Variants in RASGEF1C observed in about 807,000 individuals in gnomAD.
RASGEF1C encodes the protein ras-GEF domain-containing family member 1C.
RASGEF1C carries 27 observed loss-of-function variants against 58.1 expected under a neutral mutation model. The observed-to-expected ratio is 0.46, with a 90% CI of 0.34 to 0.64. The LOEUF (loss-of-function observed/expected upper bound fraction) is 0.64. Among genes scored for constraint, RASGEF1C ranks in the 30% least tolerant of loss-of-function variants. RASGEF1C has a pLI of 0.01. For synonymous variants in RASGEF1C, 243 were observed against 246.3 expected (o/e 0.99, Z 0.13); for missense variants, 502 against 605.1 (o/e 0.83, Z 1.79).
chr5:180,161,403 CGCAGCCCTGCG>C (rs1561747204), intron 1 of RASGEF1C, among the ~76,000 whole-genome samples: 1 of 152,370 alleles, frequency 6.6e-6, no homozygotes, highest in East Asian at 1.9e-4. Flanking sequence ...CCTAGCCCCG[CGCAGCCCTGCG>C]GCAGCCCCGG....
At chr5:180,139,702 G>C (rs1463631733) in intron 1 of RASGEF1C, among the ~76,000 whole-genome samples, 1 of 152,204 alleles carries the variant, frequency 6.6e-6, no homozygotes, top group Non-Finnish European at 1.5e-5. Flanking sequence ...TCTGTCCCAG[G>C]GGGAGGCGGC....
intron 1 of RASGEF1C, among the ~76,000 whole-genome samples, chr5:180,195,053 G>A (rs1756241128): frequency 6.6e-6 from 1 of 152,254 alleles, no homozygotes; most frequent in African/African-American, 2.4e-5. Context: ...GGGGCCCAGT[G>A]CCTGCTGCAG....
Position 180,103,293 on chromosome 5 carries a change from G to GA in RASGEF1C, c.1304-1151_1304-1150insT, listed in dbSNP as rs1561727708. ...GGGGTTTCACCGTGTTAGCCAGGAT[G>GA]GTCTCGATCTCCTGACCTTGTGATC... is the stretch of plus-strand genomic sequence containing the variant. On this transcript the variant is annotated intron_variant, in intron 12 of 13. Coordinates refer to ENST00000361132, the MANE Select transcript of RASGEF1C (RefSeq NM_175062.4). Among the ~76,000 whole-genome samples the GA allele has an allele frequency of 2.6e-5, 4 of 152,232 alleles. No homozygotes were observed. In the South Asian group the frequency reaches 6.2e-4, roughly 24 times the overall value.
chr5:180,124,095 C>A (rs1745395470), intron 6 of RASGEF1C, among the ~76,000 whole-genome samples: 1 of 152,118 alleles, frequency 6.6e-6, no homozygotes, highest in African/African-American at 2.4e-5. Context: ...TGAATCAGTA[C>A]ACGAAAGTCA....
chr5:180,208,122 G>A (rs978110136), intron 1 of RASGEF1C, among the ~76,000 whole-genome samples: 3 of 152,066 alleles, frequency 2.0e-5, no homozygotes, highest in African/African-American at 4.8e-5. Flanking sequence ...ATGGCTGTTG[G>A]AGCCAGTCTT....
At position 180,141,469 on chromosome 5, in the gene RASGEF1C, C is replaced by A. The variant is rs143656879; in HGVS notation, c.-6-3411G>T. Among the ~76,000 whole-genome samples the A allele has an allele frequency of 1.8e-3, 273 of 152,340 alleles. 3 individuals carry two copies. Among genetic ancestry groups the A allele is most frequent in the African/African-American group, 6.3e-3 (260 of 41,566 alleles). On this transcript the variant is annotated intron_variant, in intron 1 of 13. Coordinates refer to ENST00000361132, the MANE Select transcript of RASGEF1C (RefSeq NM_175062.4). ...GTGAAATGAGCCTGACACAGAAGCA[C>A]AAACACTGAGTGACCCCACTTGTGG...
intron 1 of RASGEF1C, among the ~76,000 whole-genome samples, chr5:180,207,293 C>T (rs1756505543): frequency 6.6e-6 from 1 of 152,332 alleles, no homozygotes; most frequent in Non-Finnish European, 1.5e-5. Context: ...AAGGTTCTCA[C>T]TGCAGGAGAA....
At chr5:180,181,470 C>G (rs1767323863) in intron 1 of RASGEF1C, among the ~76,000 whole-genome samples, 1 of 152,142 alleles carries the variant, frequency 6.6e-6, no homozygotes, top group South Asian at 2.1e-4. Flanking sequence ...GGAGGCCACA[C>G]TGGAGTGGAG....
Position 180,197,546 on chromosome 5 carries a change from A to G in RASGEF1C, c.-7+11482T>C, listed in dbSNP as rs559523847. 1.3e-5 allele frequency among the ~76,000 whole-genome samples: 2 copies of G among 152,300 alleles called. No homozygotes were observed. The highest frequency in any genetic ancestry group is 3.9e-4 in the East Asian group (2 of 5,176). On this transcript the variant is annotated intron_variant, in intron 1 of 13. Coordinates refer to ENST00000361132, the MANE Select transcript of RASGEF1C (RefSeq NM_175062.4). This position sits in a 1 kb window ranked among gnomAD's most constrained non-coding sequence, Gnocchi z 4.7. ...GAGTGAGAGCAGTCCACGCTCAAAA[A>G]TAGCCCAGACTGTCAACCGCACAAA...
intron 12 of RASGEF1C, among the ~76,000 whole-genome samples, chr5:180,108,411 C>T (rs1765903903): frequency 6.6e-6 from 1 of 151,844 alleles, no homozygotes; most frequent in African/African-American, 2.4e-5. Context: ...CCGTGTTAGC[C>T]AGGATGGTCT....
At chr5:180,147,269 T>TAA (rs200923798) in intron 1 of RASGEF1C, among the ~76,000 whole-genome samples, 997 of 4,494 alleles carry the variant, frequency 0.22, 12 homozygotes, top group Admixed American at 0.29. Flanking sequence ...GCTTTTTAAA[T>TAA]TTTTTTCTAT....
chr5:180,140,881 C>T (rs2113282086), intron 1 of RASGEF1C, among the ~76,000 whole-genome samples: 1 of 152,250 alleles, frequency 6.6e-6, no homozygotes, highest in East Asian at 1.9e-4. Context: ...GTGGTGTGAT[C>T]ATGGGAGTAT....
rs542672409 is a variant in RASGEF1C, at chr5:180,192,869, C to T, written c.-7+16159G>A. ...ACGCCATTCTCCTGCCTCAGCCTCC[C>T]GAGTAGCTGGGACTACAGGTGCCCA... On this transcript the variant is annotated intron_variant, in intron 1 of 13. Transcript: ENST00000361132. 3.3e-3 allele frequency among the ~76,000 whole-genome samples: 498 copies of T among 150,612 alleles called. 1 individual carries two copies. Among genetic ancestry groups the T allele is most frequent in the African/African-American group, 0.011 (452 of 41,050 alleles).
chr5:180,157,175 A>G (rs1766865440), intron 1 of RASGEF1C, among the ~76,000 whole-genome samples: 2 of 152,258 alleles, frequency 1.3e-5, no homozygotes, highest in South Asian at 4.1e-4. Flanking sequence ...ATTTACCCAA[A>G]AGAGTTGAAA....
chr5:180,133,834 C>T (rs574486537), intron 4 of RASGEF1C, among the ~76,000 whole-genome samples: 42 of 152,270 alleles, frequency 2.8e-4, no homozygotes, highest in African/African-American at 9.9e-4. Flanking sequence ...TAAGAAACAG[C>T]GCTCCTATGC....
intron 1 of RASGEF1C, among the ~76,000 whole-genome samples, chr5:180,180,518 CAG>C (rs1227182969): frequency 6.6e-6 from 1 of 152,226 alleles, no homozygotes; most frequent in Non-Finnish European, 1.5e-5. Context: ...TCACAGTTTG[CAG>C]AGTCCTTTCA....
intron 1 of RASGEF1C, among the ~76,000 whole-genome samples, chr5:180,184,566 G>T (rs1156352373): frequency 6.6e-6 from 1 of 152,126 alleles, no homozygotes; most frequent in Non-Finnish European, 1.5e-5. Context: ...GACAGAGCAA[G>T]ACTCCATCTC....
intron 12 of RASGEF1C, among the ~76,000 whole-genome samples, chr5:180,109,300 CA>C (rs914130855): frequency 6.6e-6 from 1 of 151,466 alleles, no homozygotes. Flanking sequence ...ACTAAAAATA[CA>C]AAAAAAATTA....
intron 1 of RASGEF1C, among the ~76,000 whole-genome samples, chr5:180,189,223 T>C (rs1163079583): frequency 6.6e-6 from 1 of 152,206 alleles, no homozygotes; most frequent in African/African-American, 2.4e-5. Context: ...CAAGGCTGAA[T>C]CTGAGCAAAG....
Sources: gnomAD v4.1 joint callset for allele counts (sites outside exome capture counted in the v4.1 genomes callset) on GRCh38, gnomAD v4.1.1 for gene constraint, Gnocchi (gnomAD v3.1) non-coding constraint, MANE v1.5 for transcripts, NCBI Gene and HGNC (gene_info 2026-07-23, HGNC 2026-07-21) for gene names.